The following FRMD4A variants were observed in gnomAD, a reference collection of about 807,000 sequenced individuals.
FRMD4A encodes the protein FERM domain-containing protein 4A.
In FRMD4A, 29 loss-of-function variants were observed where a neutral mutation model predicts 129.1. The ratio of observed to expected loss-of-function variants is 0.22; its 90% CI spans 0.17 to 0.31. FRMD4A has a LOEUF of 0.31. FRMD4A is among the 10% of genes least tolerant of loss of function. The pLI is 1.00. For synonymous variants in FRMD4A, 634 were observed against 571.6 expected (o/e 1.11, Z -1.56); for missense variants, 1,272 against 1,375.8 (o/e 0.92, Z 1.19).
chr10:14,236,316 G>T (rs1362483663), intron 2 of FRMD4A, among the ~76,000 whole-genome samples: 2 of 152,232 alleles, frequency 1.3e-5, no homozygotes, highest in Non-Finnish European at 2.9e-5. Flanking sequence ...AATCCAAGAA[G>T]GAAATGCAGG....
At chr10:14,152,642 G>T (rs539166591) in intron 2 of FRMD4A, among the ~76,000 whole-genome samples, 3 of 152,200 alleles carry the variant, frequency 2.0e-5, no homozygotes, top group African/African-American at 7.2e-5. Context: ...TTCAAAACAA[G>T]CCTGGGCAAC....
chr10:14,006,839 G>C (rs974681662), intron 2 of FRMD4A, among the ~76,000 whole-genome samples: 13 of 152,116 alleles, frequency 8.5e-5, no homozygotes, highest in African/African-American at 3.1e-4. Flanking sequence ...GAAATACACA[G>C]TAAGCATTTA....
chr10:13,685,740 T>A, intron 15 of FRMD4A: 1 of 518,932 alleles, frequency 1.9e-6, no homozygotes, highest in Non-Finnish European at 2.5e-6. Flanking sequence ...CCCAGGAGTT[T>A]GAGGCTGGAG....
intron 2 of FRMD4A, among the ~76,000 whole-genome samples, chr10:14,094,659 C>T (rs997300407): frequency 5.9e-5 from 9 of 152,210 alleles, no homozygotes; most frequent in African/African-American, 1.4e-4. Flanking sequence ...CAGAAACCAC[C>T]TTGCCTCTCT....
intron 4 of FRMD4A, among the ~76,000 whole-genome samples, chr10:13,808,162 C>T (rs758292854): frequency 6.2e-4 from 94 of 152,252 alleles, no homozygotes; most frequent in Admixed American, 2.1e-3. Context: ...TGCACTTGTA[C>T]GGCACTTCAC....
At chr10:14,255,103 G>A (rs1461911342) in intron 2 of FRMD4A, among the ~76,000 whole-genome samples, 1 of 152,194 alleles carries the variant, frequency 6.6e-6, no homozygotes, top group East Asian at 1.9e-4. Context: ...AATCAGCAGT[G>A]GCTATCTGTT....
chr10:13,859,035 A>C (rs2094254740), intron 2 of FRMD4A, 123 bp from the exon 3 acceptor site: 3 of 722,436 alleles, frequency 4.2e-6, no homozygotes, highest in African/African-American at 1.7e-5. Flanking sequence ...GGGAGTCGGC[A>C]CTGTATAATG....
intron 22 of FRMD4A, 195 bp from the exon 23 acceptor site, chr10:13,654,707 C>T: frequency 3.4e-6 from 2 of 582,984 alleles, no homozygotes; most frequent in Non-Finnish European, 6.1e-6. Context: ...TACATGCCCC[C>T]CCAACCTCTG....
intron 8 of FRMD4A, among the ~76,000 whole-genome samples, chr10:13,751,249 T>A (rs1182144419): frequency 6.6e-6 from 1 of 152,184 alleles, no homozygotes; most frequent in Non-Finnish European, 1.5e-5. Context: ...AGCCACAGGT[T>A]TGATTTCCTC....
intron 2 of FRMD4A, among the ~76,000 whole-genome samples, chr10:13,987,700 C>T (rs2095586712): frequency 6.6e-6 from 1 of 152,150 alleles, no homozygotes; most frequent in Non-Finnish European, 1.5e-5. Context: ...TCCCCGACCA[C>T]GAGGAAACTG....
intron 6 of FRMD4A, among the ~76,000 whole-genome samples, chr10:13,763,862 A>G (rs1209543000): frequency 6.6e-6 from 1 of 152,022 alleles, no homozygotes; most frequent in Non-Finnish European, 1.5e-5. Flanking sequence ...CAGCCTCCCG[A>G]GTAGCTGGGA....
chr10:13,726,942 C>A (rs971692217), intron 12 of FRMD4A, among the ~76,000 whole-genome samples: 22 of 150,636 alleles, frequency 1.5e-4, no homozygotes, highest in Non-Finnish European at 2.5e-4. Context: ...GTCGCTCTGT[C>A]GCCCAGGCTG....
chr10:13,920,547 C>G (rs151208220), intron 2 of FRMD4A, among the ~76,000 whole-genome samples: 6 of 152,302 alleles, frequency 3.9e-5, no homozygotes, highest in African/African-American at 1.4e-4. Context: ...CAAATTTGGG[C>G]ATTGTGTTTT....
chr10:13,910,244 T>A (rs536424443), intron 2 of FRMD4A, among the ~76,000 whole-genome samples: 1 of 152,364 alleles, frequency 6.6e-6, no homozygotes, highest in South Asian at 2.1e-4. Context: ...CAATTTGATC[T>A]CTTGGAAGAC....
chr10:13,653,064 T>G (rs183081383), intron 23 of FRMD4A: 2 of 152,108 alleles, frequency 1.3e-5, no homozygotes, highest in East Asian at 3.9e-4. Context: ...TCTGGGTATT[T>G]CCCCCGCAAG....
chr10:13,698,940 C>T (rs2086507125), intron 14 of FRMD4A, among the ~76,000 whole-genome samples: 1 of 152,142 alleles, frequency 6.6e-6, no homozygotes, highest in African/African-American at 2.4e-5. Flanking sequence ...GCATTTTCTT[C>T]AGTCCCCAAG....
chr10:13,888,608 C>A (rs1428709574), intron 2 of FRMD4A, among the ~76,000 whole-genome samples: 8 of 152,264 alleles, frequency 5.3e-5, no homozygotes, highest in Middle Eastern at 3.4e-3. Context: ...AAGATCATTA[C>A]CCTATTGCTT....
At chr10:14,166,881 G>C (rs533461657) in intron 2 of FRMD4A, among the ~76,000 whole-genome samples, 1 of 152,256 alleles carries the variant, frequency 6.6e-6, no homozygotes, top group East Asian at 1.9e-4. Context: ...AGAGCCTATG[G>C]GTGCTCCTTG....
chr10:13,998,651 C>T (rs2095631288), intron 2 of FRMD4A, among the ~76,000 whole-genome samples: 1 of 152,174 alleles, frequency 6.6e-6, no homozygotes, highest in Non-Finnish European at 1.5e-5. Flanking sequence ...GCTCAGGGGG[C>T]CGTTCTTGAC....
Sources: gnomAD v4.1 joint callset for allele counts (sites outside exome capture counted in the v4.1 genomes callset) on GRCh38, gnomAD v4.1.1 for gene constraint, MANE v1.5 for transcripts, NCBI Gene and HGNC (gene_info 2026-07-23, HGNC 2026-07-21) for gene names.